ME3: variants seen among roughly 807,000 people sequenced by gnomAD.
ME3 encodes the protein NADP-dependent malic enzyme, mitochondrial.
ME3 carries 48 observed loss-of-function variants against 68.9 expected under a neutral mutation model. The ratio of observed to expected loss-of-function variants is 0.70; its 90% CI spans 0.55 to 0.89. ME3 has a LOEUF of 0.89. Ranked by LOEUF, ME3 falls within the 40% of genes least tolerant of loss-of-function variation. The pLI, the probability that ME3 is intolerant of heterozygous loss-of-function variation, is 0.00. For synonymous variants in ME3, 320 were observed against 318.8 expected (o/e 1.00, Z -0.04); for missense variants, 675 against 797.4 (o/e 0.85, Z 1.85).
At chr11:86,520,867 G>A (rs895306081) in intron 4 of ME3, among the ~76,000 whole-genome samples, 10 of 152,292 alleles carry the variant, frequency 6.6e-5, no homozygotes, top group Middle Eastern at 3.4e-3. Flanking sequence ...TGTGAGTTTG[G>A]GAAAGTTACC....
At chr11:86,647,491 G>GA (rs111578218) in intron 2 of ME3, among the ~76,000 whole-genome samples, 86 of 122,802 alleles carry the variant, frequency 7.0e-4, no homozygotes, top group South Asian at 2.6e-3. Context: ...TCTCAAAAAA[G>GA]AAAAAAAAAA....
intron 5 of ME3, 103 bp from the exon 6 acceptor site, chr11:86,498,227 T>C: frequency 7.3e-7 from 1 of 1,370,190 alleles, no homozygotes; most frequent in Non-Finnish European, 9.8e-7. Context: ...GGATGCCCAC[T>C]GACTTTGCCG....
At chr11:86,586,012 C>G (rs536539580) in intron 2 of ME3, among the ~76,000 whole-genome samples, 6 of 152,130 alleles carry the variant, frequency 3.9e-5, no homozygotes, top group African/African-American at 1.2e-4. Context: ...GGAGGTTCTT[C>G]GTAACCCAGT....
In ME3 at chr11:86,467,897, T is replaced by G. The variant is rs1170417812; in HGVS notation, c.810-2697A>C. Among the ~76,000 whole-genome samples, 3 of 152,174 alleles carry G rather than the reference T, an allele frequency of 2.0e-5. No homozygotes were observed. The East Asian group carries it at 5.8e-4, about 29-fold the overall frequency. ...AAAACCTCATTAATTGAGGTCACTTTAATCCTAGCTTGGAATTGCATAAGA... is the reference window on the plus strand; with the variant it reads ...AAAACCTCATTAATTGAGGTCACTTGAATCCTAGCTTGGAATTGCATAAGA... On this transcript the variant is annotated intron_variant, in intron 7 of 14. Coordinates refer to ENST00000543262, the Ensembl canonical transcript of ME3.
intron 2 of ME3, among the ~76,000 whole-genome samples, chr11:86,598,865 C>A (rs1960061509): frequency 6.6e-6 from 1 of 152,182 alleles, no homozygotes; most frequent in Non-Finnish European, 1.5e-5. Flanking sequence ...CTCTAGCAAA[C>A]TCCAACAGAC....
At chr11:86,540,306 C>G (rs1452330470) in intron 4 of ME3, among the ~76,000 whole-genome samples, 1 of 152,182 alleles carries the variant, frequency 6.6e-6, no homozygotes, top group Non-Finnish European at 1.5e-5. Flanking sequence ...ACTGTCCAGC[C>G]TGCCACCACT....
chr11:86,658,637 C>A (rs1346032382), intron 2 of ME3, among the ~76,000 whole-genome samples: 1 of 152,058 alleles, frequency 6.6e-6, no homozygotes, highest in Non-Finnish European at 1.5e-5. Flanking sequence ...GATGCTTGGA[C>A]CCTCCAGTCC....
chr11:86,531,312 C>T (rs969238641), intron 4 of ME3, among the ~76,000 whole-genome samples: 3 of 152,142 alleles, frequency 2.0e-5, no homozygotes, highest in Admixed American at 2.0e-4. Context: ...CCATCTCACA[C>T]CAGTTAGAAT....
chr11:86,520,918 A>AGTC, intron 4 of ME3, among the ~76,000 whole-genome samples: 1 of 152,220 alleles, frequency 6.6e-6, no homozygotes, highest in Non-Finnish European at 1.5e-5. Flanking sequence ...AAGATGAAGA[A>AGTC]GGTAGAACAG....
At chr11:86,590,859 C>A (rs1449112342) in intron 2 of ME3, among the ~76,000 whole-genome samples, 1 of 152,154 alleles carries the variant, frequency 6.6e-6, no homozygotes, top group Non-Finnish European at 1.5e-5. Flanking sequence ...TTGATGAGCC[C>A]ACTAGCACTA....
chr11:86,566,155 C>T (rs1355239123), intron 2 of ME3, among the ~76,000 whole-genome samples: 3 of 152,180 alleles, frequency 2.0e-5, no homozygotes, highest in Non-Finnish European at 2.9e-5. Context: ...GGACAGCAGA[C>T]ATCAAGAAGG....
intron 2 of ME3, among the ~76,000 whole-genome samples, chr11:86,634,930 A>AAC (rs58547420): frequency 2.6e-5 from 4 of 152,106 alleles, no homozygotes; most frequent in Admixed American, 1.3e-4. Context: ...ACAACAAAAA[A>AAC]CCCAGAACCT....
intron 8 of ME3, among the ~76,000 whole-genome samples, chr11:86,464,499 A>G (rs979131573): frequency 2.9e-4 from 44 of 152,342 alleles, no homozygotes; most frequent in Admixed American, 7.8e-4. Flanking sequence ...TCTTGGTGTC[A>G]GTGTCTCTCT....
chr11:86,453,011 T>A (rs1327053296), intron 8 of ME3, among the ~76,000 whole-genome samples: 1 of 152,110 alleles, frequency 6.6e-6, no homozygotes, highest in Non-Finnish European at 1.5e-5. Flanking sequence ...TTTTTGTTTT[T>A]AATTTCAGAC....
At chr11:86,578,427 C>T (rs919573829) in intron 2 of ME3, among the ~76,000 whole-genome samples, 7 of 152,218 alleles carry the variant, frequency 4.6e-5, no homozygotes, top group African/African-American at 1.7e-4. Context: ...AACAGACACA[C>T]TTTGGGAGGG....
At chr11:86,567,916 G>T (rs1450027563) in intron 2 of ME3, among the ~76,000 whole-genome samples, 1 of 152,172 alleles carries the variant, frequency 6.6e-6, no homozygotes, top group Non-Finnish European at 1.5e-5. Context: ...TCAGATGCTT[G>T]TTCTGTGTAT....
At chr11:86,459,790 C>T (rs759146425) in intron 8 of ME3, among the ~76,000 whole-genome samples, 4 of 152,206 alleles carry the variant, frequency 2.6e-5, no homozygotes, top group African/African-American at 4.8e-5. Flanking sequence ...ACAGGGGGTG[C>T]TAATAGCCTG....
At chr11:86,466,695 C>T (rs944194656) in intron 7 of ME3, among the ~76,000 whole-genome samples, 1 of 152,144 alleles carries the variant, frequency 6.6e-6, no homozygotes. Flanking sequence ...AGTGGGTGGG[C>T]AAATATTTGT....
intron 6 of ME3, among the ~76,000 whole-genome samples, chr11:86,490,965 T>C (rs1951968558): frequency 1.3e-5 from 2 of 152,338 alleles, no homozygotes; most frequent in South Asian, 4.1e-4. Flanking sequence ...AGGTCAACCA[T>C]AATGAGATAC....
Sources: allele counts gnomAD v4.1 joint callset (sites outside exome capture counted in the v4.1 genomes callset), GRCh38; gene constraint gnomAD v4.1.1; transcripts MANE v1.5; gene names NCBI Gene and HGNC (gene_info 2026-07-23, HGNC 2026-07-21).